Variants in GLUL observed in about 807,000 individuals in gnomAD.
The protein encoded by GLUL is glutamine synthetase.
A neutral mutation model predicts 36.9 loss-of-function variants in GLUL; 8 were observed. The observed-to-expected ratio is 0.22, with a 90% CI of 0.13 to 0.39. The LOEUF is 0.39. Among genes scored for constraint, GLUL ranks in the 10% least tolerant of loss-of-function variants. The probability of loss-of-function intolerance (pLI) is 1.00; values close to 1 mark genes in which losing one functional copy is unlikely to be tolerated. For missense variants in GLUL, 315 were observed against 501.8 expected, an observed-to-expected ratio of 0.63 and a Z score of 3.56; for synonymous variants, 182 against 172.8, an observed-to-expected ratio of 1.05 and a Z score of -0.42.
intron 1 of GLUL, chr1:182,390,911 A>C: frequency 2.5e-6 from 1 of 398,498 alleles, no homozygotes; most frequent in Non-Finnish European, 4.4e-6. Flanking sequence ...TTCCCACTGA[A>C]ATGTCCCTAA....
chr1:182,386,582 T>C (rs1369380261), intron 3 of GLUL, 180 bp from the exon 4 acceptor site: 4 of 678,546 alleles, frequency 5.9e-6, no homozygotes, highest in South Asian at 1.6e-5. Flanking sequence ...AAGCTGTTAA[T>C]TGTACATCTG....
At chr1:182,391,279 C>T in intron 1 of GLUL, 1 of 398,732 alleles carries the variant, frequency 2.5e-6, no homozygotes, top group Non-Finnish European at 4.4e-6. Flanking sequence ...GCCAACCAAG[C>T]GCCTTGTTTG....
At position 182,382,465 on chromosome 1, in the gene GLUL, AG is replaced by A. The variant is rs1487019685; in HGVS notation, c.*1939del. ...TAGCCAGCCTTGGAAGGCTTCAACCAGGGTAGCAGGGTAGCTAATATTTGTT... is the reference window on the plus strand; with the variant it reads ...TAGCCAGCCTTGGAAGGCTTCAACCAGGTAGCAGGGTAGCTAATATTTGTT... On this transcript the variant is annotated 3_prime_UTR_variant, in exon 7 of 7. Coordinates refer to ENST00000331872, the MANE Select transcript of GLUL (RefSeq NM_001033044.4). 7.0e-6 allele frequency: 1 copy of A among 143,014 alleles called. No homozygotes were observed. Among genetic ancestry groups the A allele is most frequent in the Admixed American group, 7.2e-5 (1 of 13,822 alleles). 8.9% of individuals were successfully genotyped at this position (143,014 alleles called of 1,614,324 possible).
intron 5 of GLUL, 30 bp from the exon 6 acceptor site, chr1:182,385,586 A>G: frequency 6.3e-7 from 1 of 1,592,646 alleles, no homozygotes; most frequent in Non-Finnish European, 8.6e-7. Flanking sequence ...CCATTAAAAC[A>G]AAGCTAACTG....
rs768069879 is a variant in GLUL, at chr1:182,385,765, C to A, written c.598G>T (p.Ala200Ser). ...TGGATTGGAGCTATACTTACCTGGG[C>A]AGGCATGACCTCGGCATTAGTCCCC... The part of the protein sequence containing the change: ...IAGTNAEVMP[A>S]QWEFQIGPCE... The change falls in exon 5 of 7, where the codon GCC becomes TCC. Residue 200 changes from alanine (A) to serine (S), a missense_variant. By Grantham distance (99) the Ala-to-Ser change is moderately conservative. Coordinates refer to ENST00000331872, the MANE Select transcript of GLUL (RefSeq NM_001033044.4). The A allele has an allele frequency of 2.5e-6, 4 of 1,614,154 alleles. No homozygotes were observed. The highest frequency in any genetic ancestry group is 1.7e-5 in the Admixed American group (1 of 60,030).
At position 182,378,369 on chromosome 1, in the gene GLUL, G is replaced by A. The variant is rs1162181996; in HGVS notation, c.*6036C>T. Among the ~76,000 whole-genome samples, 1 of 152,126 alleles carries A rather than the reference G, an allele frequency of 6.6e-6. No homozygotes were observed. Among genetic ancestry groups the A allele is most frequent in the African/African-American group, 2.4e-5 (1 of 41,446 alleles). On this transcript the variant is annotated 3_prime_UTR_variant, in exon 7 of 7. Transcript: ENST00000331872. Reference sequence around the variant, plus strand: ...GACACTCCCTCTGTAACATGCACTAGGATATCACTCTCCTATATTAGAGGA... The same window carrying A: ...GACACTCCCTCTGTAACATGCACTAAGATATCACTCTCCTATATTAGAGGA...
In GLUL at chr1:182,388,649, T is replaced by C; in HGVS notation, c.89A>G (p.Tyr30Cys). 3 of 1,613,404 alleles carry C rather than the reference T, an allele frequency of 1.9e-6. No homozygotes were observed. The highest frequency in any genetic ancestry group is 2.5e-6 in the Non-Finnish European group (3 of 1,179,342). The change falls in exon 2 of 7, where the codon TAT (tyrosine) becomes TGT (cysteine). Residue 30 changes from tyrosine (Y) to cysteine (C), a missense_variant. By Grantham distance (194) the Tyr-to-Cys change is radical. Coordinates refer to ENST00000331872, the MANE Select transcript of GLUL (RefSeq NM_001033044.4). ...TTCTCCAGTACCATCGATCCAGATA[T>C]ACATGGCCTGGACTTTCTCACCCTG... ...LPQGEKVQAM[Y>C]IWIDGTGEGL...
intron 1 of GLUL, chr1:182,390,599 T>C (rs1395995268): frequency 2.5e-6 from 1 of 399,068 alleles, no homozygotes; most frequent in African/African-American, 2.1e-5. Context: ...CTCTAGCTGG[T>C]CCAAGCACCG....
chr1:182,385,290 T>C, intron 6 of GLUL, 67 bp downstream of exon 6: 6 of 1,196,578 alleles, frequency 5.0e-6, no homozygotes, highest in Non-Finnish European at 5.0e-6. Flanking sequence ...TGCTGAGAGA[T>C]TGCTAAGTCT....
At chr1:182,387,884 T>C (rs1364987237) in intron 2 of GLUL, among the ~76,000 whole-genome samples, 1 of 152,198 alleles carries the variant, frequency 6.6e-6, no homozygotes, top group African/African-American at 2.4e-5. Flanking sequence ...ATCTGCCACA[T>C]AGCAAGTACA....
chr1:182,388,917 GA>G (rs1176012653), intron 1 of GLUL, 167 bp from the exon 2 acceptor site: 1 of 654,144 alleles, frequency 1.5e-6, no homozygotes, highest in Non-Finnish European at 2.8e-6. Flanking sequence ...CTTTCAGGGG[GA>G]TTAGTTTTAT....
At chr1:182,386,524 T>G in intron 3 of GLUL, 122 bp from the exon 4 acceptor site, 4 of 826,420 alleles carry the variant, frequency 4.8e-6, no homozygotes, top group Non-Finnish European at 2.1e-6. Context: ...TGGTATGAAC[T>G]GACCCAGTAT....
rs1045122831 is a variant in GLUL at position 182,388,955 on chromosome 1, G to A, written c.-13-205C>T. On this transcript the variant is annotated intron_variant, in intron 1 of 6. Transcript: ENST00000331872. Reference sequence around the variant, plus strand: ...GTAGGCAAAAATCTCCTTTATAATAGGCTGTAAAACTGATCACCACCTTTT... The same window carrying A: ...GTAGGCAAAAATCTCCTTTATAATAAGCTGTAAAACTGATCACCACCTTTT... The A allele has an allele frequency of 1.6e-5, 9 of 554,782 alleles. No individual in the cohort carries two copies. In the East Asian group the frequency reaches 3.1e-4, roughly 19 times the overall value. 34.4% of individuals were successfully genotyped at this position (554,782 alleles called of 1,614,324 possible).
intron 2 of GLUL, 139 bp from the exon 3 acceptor site, chr1:182,387,431 T>C: frequency 1.4e-6 from 1 of 733,360 alleles, no homozygotes; most frequent in East Asian, 2.7e-5. Context: ...AATGCCATCA[T>C]TAATATGTAT....
In GLUL at chr1:182,383,147, A is replaced by T. The variant is rs994599606; in HGVS notation, c.*1258T>A. 3.9e-5 allele frequency: 6 copies of T among 152,222 alleles called. No individual in the cohort carries two copies. Among genetic ancestry groups the T allele is most frequent in the African/African-American group, 1.4e-4 (6 of 41,470 alleles). The allele number at this position is 152,222 out of a possible 1,614,324, so 9.4% of individuals were successfully genotyped here. A position where few individuals can be genotyped will look rare whatever the true frequency, so the allele number is the denominator to read the frequency against. On this transcript the variant is annotated 3_prime_UTR_variant, in exon 7 of 7. Transcript: ENST00000331872. Reference sequence around the variant, plus strand: ...TTCAGCAGTCTTAACAAAGACATCAAGATACAAAATTACAAGTGTTTTGAC... The same window carrying T: ...TTCAGCAGTCTTAACAAAGACATCATGATACAAAATTACAAGTGTTTTGAC...
intron 4 of GLUL, 39 bp downstream of exon 4, chr1:182,386,217 C>A (rs376965043): frequency 1.9e-6 from 3 of 1,588,974 alleles, no homozygotes; most frequent in Non-Finnish European, 2.6e-6. Context: ...CACAGTTAGA[C>A]ACTTCTGGGA....
rs1288332454 is a variant in GLUL at position 182,384,478 on chromosome 1, G to A, written c.1049C>T (p.Ser350Leu). 27 of 1,613,754 alleles carry A rather than the reference G, an allele frequency of 1.7e-5. No homozygotes were observed. Among genetic ancestry groups the A allele is most frequent in the Admixed American group, 3.3e-5 (2 of 59,992 alleles). The change falls in exon 7 of 7, where the codon TCG becomes TTG. Residue 350 changes from serine to leucine, a missense_variant. Ser to Leu is a moderately radical substitution (Grantham distance 145). Transcript: ENST00000331872. Reference sequence around the variant, plus strand: ...CGTGCGGATGAGGGCTTCTGTCACCGAAAAGGGGTCGCAGTTGGCAGAGGG... The same window carrying A: ...CGTGCGGATGAGGGCTTCTGTCACCAAAAAGGGGTCGCAGTTGGCAGAGGG... The part of the protein sequence containing the change: ...RRPSANCDPF[S>L]VTEALIRTCL...
At position 182,379,821 on chromosome 1, in the gene GLUL, C is replaced by A. The variant is rs962092673; in HGVS notation, c.*4584G>T. ...AAAGTGCTGGGATTACAGGTATGAG[C>A]CACCATGCCCAGCCTCAGTTACAAC... On this transcript the variant is annotated 3_prime_UTR_variant, in exon 7 of 7. Transcript: ENST00000331872. Among the ~76,000 whole-genome samples, 1 of 151,114 alleles carries A rather than the reference C, an allele frequency of 6.6e-6. No individual in the cohort carries two copies. The highest frequency in any genetic ancestry group is 6.6e-5 in the Admixed American group (1 of 15,110).
rs1490842107 is a variant in GLUL, at chr1:182,383,302, T to A, written c.*1103A>T. The A allele has an allele frequency of 6.6e-6, 1 of 152,208 alleles. No individual in the cohort carries two copies. The highest frequency in any genetic ancestry group is 1.5e-5 in the Non-Finnish European group (1 of 68,036). 9.4% of individuals were successfully genotyped at this position (152,208 alleles called of 1,614,324 possible). A position where few individuals can be genotyped will look rare whatever the true frequency, so the allele number is the denominator to read the frequency against. On this transcript the variant is annotated 3_prime_UTR_variant, in exon 7 of 7. Coordinates refer to ENST00000331872, the MANE Select transcript of GLUL (RefSeq NM_001033044.4). The stretch of plus-strand genomic sequence containing the variant: ...TCTAAACTTCTATAATTTTGCTTTT[T>A]AAAAAATTTAATATCAAAAGGCCTG...
Sources: gnomAD v4.1 joint callset for allele counts (sites outside exome capture counted in the v4.1 genomes callset) on GRCh38, gnomAD v4.1.1 for gene constraint, MANE v1.5 for transcripts, NCBI Gene and HGNC (gene_info 2026-07-23, HGNC 2026-07-21) for gene names.